ECEL1: variants seen among roughly 807,000 people sequenced by gnomAD.
The protein encoded by ECEL1 is endothelin converting enzyme like 1.
In ECEL1, 87 loss-of-function variants were observed where a neutral mutation model predicts 101.8. That is an observed-to-expected ratio of 0.85 (90% CI 0.72 to 1.02). ECEL1 has a LOEUF of 1.02. Ranked by LOEUF, ECEL1 falls within the 50% of genes least tolerant of loss-of-function variation. The pLI, the probability that ECEL1 is intolerant of heterozygous loss-of-function variation, is 0.00. For missense variants in ECEL1, 1,032 were observed against 1,079.2 expected (o/e 0.96, Z 0.61); for synonymous variants, 487 against 468.7 (o/e 1.04, Z -0.50).
At chr2:232,480,543 C>G (rs1037070041) in intron 16 of ECEL1, 68 bp from the exon 17 acceptor site, 8 of 1,590,386 alleles carry the variant, frequency 5.0e-6, no homozygotes, top group Non-Finnish European at 6.9e-6. Context: ...CCTTGCCCCC[C>G]ACCCAGCACA....
In ECEL1 at chr2:232,480,727, G is replaced by C. The variant is rs774275605; in HGVS notation, c.2142C>G (p.Ala714=). 1 of 1,614,122 alleles carries C rather than the reference G, an allele frequency of 6.2e-7. No individual in the cohort carries two copies. Among genetic ancestry groups the C allele is most frequent in the Non-Finnish European group, 8.5e-7 (1 of 1,180,000 alleles). Residue 714 remains alanine (A), a synonymous_variant, in exon 16 of 18, where the codon GCC becomes GCG. Transcript: ENST00000304546. ...CCCCCACCCAGCCCACCTGGGCAAAGGCAATGAAGAAGAGCTGGTCATGTG... is the reference window on the plus strand; with the variant it reads ...CCCCCACCCAGCCCACCTGGGCAAACGCAATGAAGAAGAGCTGGTCATGTG... ...KYTHDQLFFI[A]FAQNWCIKRR...
rs747305197 is a variant in ECEL1, at chr2:232,486,011, C to G, written c.643G>C (p.Gly215Arg). ...GCGACCCCCGGACGCTCCTCCGCGC[C>G]GCCCAGGTCCCAGCCCCCGCAGTCC... ...IEDCGGWDLG[G>R]AEERPGVAAR... Residue 215 changes from glycine to arginine, a missense_variant, in exon 2 of 18, where the codon GGC becomes CGC. Coordinates refer to ENST00000304546, the MANE Select transcript of ECEL1 (RefSeq NM_004826.4). 3 of 1,608,234 alleles carry G rather than the reference C, an allele frequency of 1.9e-6. No homozygotes were observed. Among genetic ancestry groups the G allele is most frequent in the Admixed American group, 1.7e-5 (1 of 59,692 alleles).
intron 5 of ECEL1, 51 bp downstream of exon 5, chr2:232,484,750 A>C (rs377075846): frequency 2.6e-4 from 424 of 1,609,964 alleles, no homozygotes; most frequent in Non-Finnish European, 3.6e-4. Context: ...TAGTCCCAGC[A>C]GCAGCATTGC....
Position 232,483,430 on chromosome 2 carries a change from C to A in ECEL1, c.1492G>T (p.Ala498Ser). 1 of 1,609,512 alleles carries A rather than the reference C, an allele frequency of 6.2e-7. No individual in the cohort carries two copies. Among genetic ancestry groups the A allele is most frequent in the Non-Finnish European group, 8.5e-7 (1 of 1,178,430 alleles). ...TCCCCCCTCACCTTGGCCCGAGCAG[C>A]AGCCCTGGTCTCGGCGTCCATCCAG... ...LDWMDAETRA[A>S]ARAKLQYMMV... The change falls in exon 8 of 18, where the codon GCT becomes TCT. Residue 498 changes from alanine (A) to serine (S), a missense_variant. Coordinates refer to ENST00000304546, the MANE Select transcript of ECEL1 (RefSeq NM_004826.4).
At chr2:232,485,348 C>T in intron 2 of ECEL1, 81 bp from the exon 3 acceptor site, 1 of 1,488,922 alleles carries the variant, frequency 6.7e-7, no homozygotes, top group Non-Finnish European at 9.2e-7. Flanking sequence ...CTCCAATGCC[C>T]AGAGAGCAAC....
intron 6 of ECEL1, 88 bp from the exon 7 acceptor site, chr2:232,484,311 G>C: frequency 6.4e-7 from 1 of 1,564,998 alleles, no homozygotes; most frequent in Non-Finnish European, 8.7e-7. Context: ...CCGCCAACCT[G>C]TGGCTGGACC....
At chr2:232,484,637 A>G in intron 5 of ECEL1, 41 bp from the exon 6 acceptor site, 1 of 1,610,846 alleles carries the variant, frequency 6.2e-7, no homozygotes, top group Non-Finnish European at 8.5e-7. Flanking sequence ...TAGGGTTGGC[A>G]GGGGCCACAG....
intron 14 of ECEL1, 125 bp from the exon 15 acceptor site, chr2:232,481,281 A>G: frequency 7.3e-7 from 1 of 1,364,050 alleles, no homozygotes; most frequent in South Asian, 1.4e-5. Context: ...AGAGAGTTTG[A>G]GGGGGGGCTC....
Position 232,482,994 on chromosome 2 carries a change from C to T in ECEL1, c.1582-40G>A, listed in dbSNP as rs368803327. On this transcript the variant is annotated intron_variant, in intron 9 of 17. Transcript: ENST00000304546. ...GGCGACACTCAGCGGCAGGCCAGGG[C>T]AGGGCTACCTGCAGACTGGGCAACA... 16 of 1,613,092 alleles carry T rather than the reference C, an allele frequency of 9.9e-6. No individual in the cohort carries two copies. In the African/African-American group the frequency reaches 2.0e-4, roughly 20 times the overall value.
rs1314533803 is a variant in ECEL1, at chr2:232,486,574, C to A, written c.80G>T (p.Gly27Val). The A allele has an allele frequency of 7.2e-7, 1 of 1,387,748 alleles. No individual in the cohort carries two copies. The highest frequency in any genetic ancestry group is 9.3e-7 in the Non-Finnish European group (1 of 1,073,260). 86.0% of individuals were successfully genotyped at this position (1,387,748 alleles called of 1,614,324 possible). ...VKYVSRCGAG[G>V]ARGASLPPGF... The stretch of plus-strand genomic sequence containing the variant: ...CGGGGGCAGGGAGGCCCCGCGCGCG[C>A]CCCCCGCGCCGCAGCGGCTCACGTA... The change falls in exon 2 of 18, where the codon GGC becomes GTC. Residue 27 changes from glycine to valine, a missense_variant. Gly to Val is a moderately radical substitution (Grantham distance 109, BLOSUM62 -3). Transcript: ENST00000304546.
chr2:232,487,796 G>C lies in ECEL1; in HGVS notation c.-179C>G, dbSNP rs1435821687. ...GGGGCCTGAGCCGCAGCGCAGCCGA[G>C]CGGGCGTCCGGTGTCTCCCAGCGCC... is the stretch of plus-strand genomic sequence containing the variant. On this transcript the variant is annotated 5_prime_UTR_variant, in exon 1 of 18. Coordinates refer to ENST00000304546, the MANE Select transcript of ECEL1 (RefSeq NM_004826.4). The C allele has an allele frequency of 6.7e-6, 1 of 149,386 alleles. No individual in the cohort carries two copies. Among genetic ancestry groups the C allele is most frequent in the Non-Finnish European group, 1.5e-5 (1 of 66,850 alleles). The allele number at this position is 149,386 out of a possible 1,614,324, so 9.3% of individuals were successfully genotyped here. A position where few individuals can be genotyped will look rare whatever the true frequency, so the allele number is the denominator to read the frequency against.
chr2:232,487,691 C>G (rs2106188192), intron 1 of ECEL1, 28 bp downstream of exon 1: 1 of 151,554 alleles, frequency 6.6e-6, no homozygotes, highest in East Asian at 1.9e-4. Flanking sequence ...GTGGTGGCCT[C>G]AGCGGCAGGG....
intron 7 of ECEL1, 84 bp downstream of exon 7, chr2:232,483,917 G>A: frequency 7.0e-7 from 1 of 1,425,442 alleles, no homozygotes; most frequent in Non-Finnish European, 9.6e-7. Context: ...GACATGTGGG[G>A]CTCCCCATAT....
Position 232,486,508 on chromosome 2 carries a change from CG to C in ECEL1, c.145del (p.Arg49GlyfsTer154). 7.3e-7 allele frequency: 1 copy of C among 1,368,300 alleles called. No homozygotes were observed. 84.8% of individuals were successfully genotyped at this position (1,368,300 alleles called of 1,614,324 possible). ...CCGGTTCCAGCGCGGCAGCCCGGAC[CG>C]GGCCCCGGTGGCGCTGCGCGCAGCG... is the stretch of plus-strand genomic sequence containing the variant. Reference protein sequence around the residue: ...LGAARSATGARSGLPRWNRRE... With the variant: ...LGAARSATGAXSGLPRWNRRE... On this transcript the variant is annotated frameshift_variant, in exon 2 of 18. Coordinates refer to ENST00000304546, the MANE Select transcript of ECEL1 (RefSeq NM_004826.4). LOFTEE classifies it high-confidence loss of function.
chr2:232,486,166 CGCCG>C lies in ECEL1; in HGVS notation c.484_487del (p.Arg162AlafsTer40). 7.6e-6 allele frequency: 12 copies of C among 1,578,502 alleles called. No individual in the cohort carries two copies. The highest frequency in any genetic ancestry group is 1.0e-5 in the Non-Finnish European group (12 of 1,167,972). ...CCCACCCCCGGGCCGCGCCAGCAGG[CGCCG>C]TAGGCGCTCCTCGTTTTGCTCGCCG... On this transcript the variant is annotated frameshift_variant, in exon 2 of 18. Coordinates refer to ENST00000304546, the MANE Select transcript of ECEL1 (RefSeq NM_004826.4). LOFTEE classifies it high-confidence loss of function.
At position 232,483,214 on chromosome 2, in the gene ECEL1, C is replaced by A. The variant is rs576879477; in HGVS notation, c.1507-35G>T. The A allele has an allele frequency of 7.0e-6, 11 of 1,579,622 alleles. No homozygotes were observed. In the Admixed American group the frequency reaches 7.5e-5, roughly 11 times the overall value. ...GAGGGCAGGTGAAGGTGGCACCAGG[C>A]CTCGGGAGACAGCCCCCCGCCCCCC... is the stretch of plus-strand genomic sequence containing the variant. On this transcript the variant is annotated intron_variant, in intron 8 of 17. Transcript: ENST00000304546.
At chr2:232,481,283 G>A in intron 14 of ECEL1, 127 bp from the exon 15 acceptor site, 2 of 1,355,406 alleles carry the variant, frequency 1.5e-6, no homozygotes, top group Non-Finnish European at 2.0e-6. Context: ...AGAGTTTGAG[G>A]GGGGGCTCCA....
At chr2:232,483,311 G>C (rs1440618969) in intron 8 of ECEL1, 105 bp downstream of exon 8, 4 of 1,545,716 alleles carry the variant, frequency 2.6e-6, no homozygotes, top group South Asian at 1.2e-5. Context: ...GGCAGGCCTG[G>C]TCAACTCCAC....
rs1045627368 is a variant in ECEL1, at chr2:232,486,353, C to G, written c.301G>C (p.Glu101Gln). The change falls in exon 2 of 18, where the codon GAG (glutamate) becomes CAG (glutamine). Residue 101 changes from glutamate (E) to glutamine (Q), a missense_variant. Transcript: ENST00000304546. ...GCGGCGCGCGCGAAGGCCTTGCGCT[C>G]AGGGCAGCCCTCGGGACAGGCGCCG... ...GGGACPEGCP[E>Q]RKAFARAARF... is the part of the protein sequence containing the mutation. 6.5e-7 allele frequency: 1 copy of G among 1,531,146 alleles called. No homozygotes were observed. The allele number at this position is 1,531,146 out of a possible 1,614,324, so 94.8% of individuals were successfully genotyped here.
Sources: gnomAD v4.1 joint callset for allele counts on GRCh38, gnomAD v4.1.1 for gene constraint, MANE v1.5 for transcripts, NCBI Gene and HGNC (gene_info 2026-07-23, HGNC 2026-07-21) for gene names.